Variants in GAB2 observed in about 807,000 individuals in gnomAD.
GAB2 encodes the protein GRB2-associated-binding protein 2.
Under a neutral mutation model 65.5 loss-of-function variants are expected in GAB2, and 26 were observed. The observed-to-expected ratio is 0.40, with a 90% CI of 0.29 to 0.55. GAB2 has a LOEUF of 0.55. Ranked by LOEUF, GAB2 falls within the 20% of genes least tolerant of loss-of-function variation. The pLI, the probability that GAB2 is intolerant of heterozygous loss-of-function variation, is 0.53. For missense variants in GAB2, 884 were observed against 875.8 expected (o/e 1.01, Z -0.12); for synonymous variants, 321 against 329.6 (o/e 0.97, Z 0.28).
At chr11:78,253,116 T>A (rs1262365281) in intron 2 of GAB2, among the ~76,000 whole-genome samples, 2 of 149,662 alleles carry the variant, frequency 1.3e-5, no homozygotes, top group Admixed American at 6.7e-5. Flanking sequence ...GTTCAAGTGA[T>A]ACTCCGGCCT....
intron 1 of GAB2, among the ~76,000 whole-genome samples, chr11:78,327,073 G>A (rs1037538561): frequency 9.9e-5 from 15 of 152,198 alleles, no homozygotes; most frequent in African/African-American, 2.6e-4. Flanking sequence ...CCTATTTAGC[G>A]CAAATGCATC....
intron 2 of GAB2, among the ~76,000 whole-genome samples, chr11:78,276,192 C>T (rs765019753): frequency 6.6e-6 from 1 of 151,812 alleles, no homozygotes; most frequent in East Asian, 1.9e-4. Flanking sequence ...CCCAGCTACT[C>T]GGGAGGCTGA....
At chr11:78,339,522 G>A (rs923004850) in intron 1 of GAB2, among the ~76,000 whole-genome samples, 1 of 152,184 alleles carries the variant, frequency 6.6e-6, no homozygotes, top group Non-Finnish European at 1.5e-5. Context: ...AGATCATTCA[G>A]TAATATTTCA....
chr11:78,303,405 A>C (rs1376937750), intron 1 of GAB2, among the ~76,000 whole-genome samples: 1 of 152,244 alleles, frequency 6.6e-6, no homozygotes, highest in Non-Finnish European at 1.5e-5. Context: ...CTGTTCTAGC[A>C]GCATTTGTTG....
chr11:78,290,132 C>T (rs913727486), intron 1 of GAB2, among the ~76,000 whole-genome samples: 1 of 151,986 alleles, frequency 6.6e-6, no homozygotes, highest in African/African-American at 2.4e-5. Context: ...GACAAGAAAA[C>T]AATTAAGAAG....
intron 1 of GAB2, among the ~76,000 whole-genome samples, chr11:78,357,563 T>C (rs919768625): frequency 6.6e-5 from 10 of 151,808 alleles, no homozygotes; most frequent in African/African-American, 2.4e-4. Flanking sequence ...CAAACAAATT[T>C]ACAAGAAAAA....
At chr11:78,324,360 C>A (rs1297497518) in intron 1 of GAB2, among the ~76,000 whole-genome samples, 2 of 152,140 alleles carry the variant, frequency 1.3e-5, no homozygotes, top group Non-Finnish European at 2.9e-5. Flanking sequence ...ATTCAGGAGA[C>A]TTACACAGGG....
At chr11:78,287,743 G>A (rs1306037687) in intron 1 of GAB2, among the ~76,000 whole-genome samples, 1 of 151,604 alleles carries the variant, frequency 6.6e-6, no homozygotes, top group Non-Finnish European at 1.5e-5. Context: ...CCGCTTCCTG[G>A]GTTCAAGTGA....
At chr11:78,288,747 C>T (rs538625768) in intron 1 of GAB2, among the ~76,000 whole-genome samples, 1 of 152,294 alleles carries the variant, frequency 6.6e-6, no homozygotes, top group South Asian at 2.1e-4. Context: ...TGGTGCATCT[C>T]CCCAAACTGA....
intron 3 of GAB2, among the ~76,000 whole-genome samples, chr11:78,245,967 C>T (rs1445932811): frequency 1.8e-4 from 26 of 142,758 alleles, no homozygotes; most frequent in Non-Finnish European, 3.3e-4. Context: ...TTTTTTGAGA[C>T]GGAGTTTTGC....
intron 1 of GAB2, among the ~76,000 whole-genome samples, chr11:78,412,392 C>T (rs78714690): frequency 0.025 from 3,810 of 152,110 alleles, 149 homozygotes; most frequent in African/African-American, 0.086. Flanking sequence ...GAGAATTATG[C>T]TGAATAAAAA....
chr11:78,323,180 A>T (rs570358570), intron 1 of GAB2, among the ~76,000 whole-genome samples: 1 of 152,162 alleles, frequency 6.6e-6, no homozygotes, highest in South Asian at 2.1e-4. Flanking sequence ...GCATGTATGC[A>T]GCTGGAGGTC....
At chr11:78,291,561 C>CTTTTTTT (rs1163199130) in intron 1 of GAB2, among the ~76,000 whole-genome samples, 88 of 80,874 alleles carry the variant, frequency 1.1e-3, no homozygotes, top group South Asian at 4.0e-3. Flanking sequence ...TTTTCTTTTT[C>CTTTTTTT]TTTTTTTTTT....
At chr11:78,288,645 T>C (rs2134600575) in intron 1 of GAB2, among the ~76,000 whole-genome samples, 1 of 152,316 alleles carries the variant, frequency 6.6e-6, no homozygotes, top group South Asian at 2.1e-4. Flanking sequence ...AGGGCATGTA[T>C]GCTAAAAGCT....
Position 78,398,967 on chromosome 11 carries a change from A to G in GAB2, c.75+18679T>C, listed in dbSNP as rs1032054396. ...GGACAATCTGACTTTCAATAAGGATAACAACTCTAACAGATTCAAATGCAT... is the reference window on the plus strand; with the variant it reads ...GGACAATCTGACTTTCAATAAGGATGACAACTCTAACAGATTCAAATGCAT... On this transcript the variant is annotated intron_variant, in intron 1 of 9. Coordinates refer to ENST00000361507, the MANE Select transcript of GAB2 (RefSeq NM_080491.3). 2.6e-5 allele frequency among the ~76,000 whole-genome samples: 4 copies of G among 152,366 alleles called. No homozygotes were observed. The South Asian group carries it at 8.3e-4, about 32-fold the overall frequency.
chr11:78,340,618 GAA>G (rs35065436), intron 1 of GAB2, among the ~76,000 whole-genome samples: 36 of 130,458 alleles, frequency 2.8e-4, no homozygotes, highest in Middle Eastern at 4.1e-3. Context: ...ATGTGAAGAG[GAA>G]AAAAAAAAAA....
At chr11:78,291,629 T>C (rs1248815730) in intron 1 of GAB2, among the ~76,000 whole-genome samples, 10 of 124,944 alleles carry the variant, frequency 8.0e-5, no homozygotes, top group African/African-American at 3.0e-4. Flanking sequence ...GGGAGTGCAG[T>C]GGCGCAAACA....
chr11:78,295,534 G>A (rs1364571170), intron 1 of GAB2, among the ~76,000 whole-genome samples: 1 of 152,058 alleles, frequency 6.6e-6, no homozygotes, highest in Non-Finnish European at 1.5e-5. Context: ...GTAATGCCAG[G>A]TCCTTCAGGA....
intron 1 of GAB2, among the ~76,000 whole-genome samples, chr11:78,411,807 G>A (rs867917087): frequency 3.3e-5 from 5 of 151,996 alleles, no homozygotes; most frequent in East Asian, 1.9e-4. Context: ...CAAGGTGGGC[G>A]GATCACGAGG....
Sources: allele counts gnomAD v4.1 joint callset (sites outside exome capture counted in the v4.1 genomes callset), GRCh38; gene constraint gnomAD v4.1.1; transcripts MANE v1.5; gene names NCBI Gene and HGNC (gene_info 2026-07-23, HGNC 2026-07-21).